Variants in NEK11 observed in about 807,000 individuals in gnomAD.
NEK11 encodes the protein NIMA related kinase 11, also known as serine/threonine-protein kinase Nek11.
NEK11 carries 72 observed loss-of-function variants against 80.7 expected under a neutral mutation model. That is an observed-to-expected ratio of 0.89 (90% CI 0.74 to 1.08). NEK11 has a LOEUF of 1.08. Ranked by LOEUF, NEK11 falls within the 50% of genes least tolerant of loss-of-function variation. NEK11 has a pLI of 0.00. For synonymous variants in NEK11, 251 were observed against 260.7 expected (o/e 0.96, Z 0.36); for missense variants, 764 against 763.6 (o/e 1.00, Z -0.01).
intron 16 of NEK11, among the ~76,000 whole-genome samples, chr3:131,249,078 A>G (rs1367812744): frequency 6.6e-6 from 1 of 151,944 alleles, no homozygotes; most frequent in Non-Finnish European, 1.5e-5. Context: ...CTCTGCTTGA[A>G]GTCCCACTAA....
At position 131,170,847 on chromosome 3, in the gene NEK11, A is replaced by G. The variant is rs199557094; in HGVS notation, c.1359A>G (p.Glu453=). The stretch of plus-strand genomic sequence containing the variant: ...CTTCCATGGACCTCCACGAACTTGA[A>G]TCAATTGTAGAGGATGCCACATCTG... ...PIPSMDLHEL[E]SIVEDATSDL... is the part of the protein sequence containing the mutation. Residue 453 remains glutamate (E), a synonymous_variant, in exon 14 of 18, where the codon GAA becomes GAG. Coordinates refer to ENST00000383366, the MANE Select transcript of NEK11 (RefSeq NM_024800.5). 1.2e-6 allele frequency: 2 copies of G among 1,613,992 alleles called. No homozygotes were observed. Among genetic ancestry groups the G allele is most frequent in the Non-Finnish European group, 1.7e-6 (2 of 1,179,900 alleles).
At chr3:131,274,511 C>T (rs976224083) in intron 17 of NEK11, among the ~76,000 whole-genome samples, 1 of 151,408 alleles carries the variant, frequency 6.6e-6, no homozygotes, top group Non-Finnish European at 1.5e-5. Context: ...ATTCCTAGTT[C>T]TAGATCCCTG....
intron 6 of NEK11, chr3:131,133,495 A>G (rs2084937952): frequency 3.6e-6 from 1 of 273,990 alleles, no homozygotes; most frequent in African/African-American, 2.3e-5. Flanking sequence ...ATATCATCTT[A>G]TTCAGTTTTT....
intron 17 of NEK11, among the ~76,000 whole-genome samples, chr3:131,275,285 C>CT (rs2096274635): frequency 6.6e-6 from 1 of 152,108 alleles, no homozygotes; most frequent in Non-Finnish European, 1.5e-5. Context: ...AAGTGGTTTG[C>CT]TTATTTTACC....
chr3:131,155,726 T>C (rs2090541685), intron 10 of NEK11, among the ~76,000 whole-genome samples: 1 of 152,218 alleles, frequency 6.6e-6, no homozygotes, highest in African/African-American at 2.4e-5. Flanking sequence ...AGTTTTACAG[T>C]CATGCACAAC....
intron 4 of NEK11, among the ~76,000 whole-genome samples, chr3:131,084,572 A>G (rs1364770140): frequency 2.0e-5 from 3 of 152,230 alleles, no homozygotes; most frequent in Non-Finnish European, 4.4e-5. Flanking sequence ...TAGACACACT[A>G]GAGAATGGGT....
At chr3:131,096,188 TC>T (rs2149210262) in intron 4 of NEK11, among the ~76,000 whole-genome samples, 1 of 151,932 alleles carries the variant, frequency 6.6e-6, no homozygotes, top group East Asian at 1.9e-4. Context: ...CCTTCCTCCC[TC>T]CCCTATCTAG....
intron 17 of NEK11, among the ~76,000 whole-genome samples, chr3:131,331,132 T>C (rs183489525): frequency 8.5e-4 from 129 of 152,338 alleles, no homozygotes; most frequent in East Asian, 5.8e-4. Flanking sequence ...CTATGTGACA[T>C]CCTGCATCTG....
chr3:131,164,306 A>G (rs1218053379), intron 11 of NEK11, among the ~76,000 whole-genome samples: 2 of 152,214 alleles, frequency 1.3e-5, no homozygotes, highest in Non-Finnish European at 2.9e-5. Context: ...ATATGATACC[A>G]TTTAATATTC....
intron 11 of NEK11, among the ~76,000 whole-genome samples, chr3:131,163,757 A>G (rs997524064): frequency 7.9e-5 from 12 of 152,242 alleles, no homozygotes; most frequent in African/African-American, 2.9e-4. Flanking sequence ...GTATACATAT[A>G]TAAAAACATC....
chr3:131,319,624 A>G (rs2096877801), intron 17 of NEK11, among the ~76,000 whole-genome samples: 1 of 152,158 alleles, frequency 6.6e-6, no homozygotes. Context: ...TCTTACTCCT[A>G]TCAGAGTTTA....
chr3:131,064,790 A>ACT (rs2071579961), intron 3 of NEK11, among the ~76,000 whole-genome samples: 1 of 152,034 alleles, frequency 6.6e-6, no homozygotes, highest in African/African-American at 2.4e-5. Context: ...GCCTTCAAAG[A>ACT]GCTTATGGAC....
At chr3:131,088,465 G>A (rs1042821907) in intron 4 of NEK11, among the ~76,000 whole-genome samples, 1 of 152,126 alleles carries the variant, frequency 6.6e-6, no homozygotes, top group Non-Finnish European at 1.5e-5. Context: ...CTAATAGAAA[G>A]CAATCTGCAA....
chr3:131,119,382 A>G (rs918362064), intron 5 of NEK11, among the ~76,000 whole-genome samples: 1 of 152,158 alleles, frequency 6.6e-6, no homozygotes, highest in Non-Finnish European at 1.5e-5. Context: ...GGAGGGCTTT[A>G]CTTCCAACTA....
intron 17 of NEK11, among the ~76,000 whole-genome samples, chr3:131,300,359 G>T (rs957694146): frequency 5.9e-5 from 9 of 152,060 alleles, no homozygotes; most frequent in Non-Finnish European, 1.3e-4. Flanking sequence ...ATTTTCTTTT[G>T]ATGTGCAGAA....
chr3:131,216,146 G>A (rs978142854), intron 14 of NEK11, among the ~76,000 whole-genome samples: 5 of 152,178 alleles, frequency 3.3e-5, no homozygotes, highest in African/African-American at 1.2e-4. Context: ...TGAATTCAGG[G>A]AAAAATACAG....
intron 5 of NEK11, among the ~76,000 whole-genome samples, chr3:131,113,739 C>T (rs540032657): frequency 6.6e-6 from 1 of 152,002 alleles, no homozygotes; most frequent in Non-Finnish European, 1.5e-5. Flanking sequence ...AGTGAAACCC[C>T]ATCTCTACTG....
intron 3 of NEK11, among the ~76,000 whole-genome samples, chr3:131,042,213 T>G (rs2066614764): frequency 6.6e-6 from 1 of 150,502 alleles, no homozygotes; most frequent in Non-Finnish European, 1.5e-5. Context: ...TGTTTTTTGT[T>G]TTTTTTTTCC....
chr3:131,187,572 T>C (rs1218935736), intron 14 of NEK11, among the ~76,000 whole-genome samples: 1 of 152,184 alleles, frequency 6.6e-6, no homozygotes, highest in Non-Finnish European at 1.5e-5. Flanking sequence ...AGAAGGACAC[T>C]GAAGTGCAAA....
Sources: allele counts gnomAD v4.1 joint callset (sites outside exome capture counted in the v4.1 genomes callset), GRCh38; gene constraint gnomAD v4.1.1; transcripts MANE v1.5; gene names NCBI Gene and HGNC (gene_info 2026-07-23, HGNC 2026-07-21).